Variants in CNBD1 observed in about 807,000 individuals in gnomAD.
The protein encoded by CNBD1 is cyclic nucleotide binding domain containing 1.
A neutral mutation model predicts 54.4 loss-of-function variants in CNBD1; 71 were observed. The observed-to-expected ratio is 1.30, with a 90% CI of 1.08 to 1.59. CNBD1 has a LOEUF of 1.59. CNBD1 is among the 40% of genes most tolerant of loss of function. CNBD1 has a pLI of 0.00. For synonymous variants in CNBD1, 182 were observed against 170.7 expected (o/e 1.07, Z -0.51); for missense variants, 659 against 518.0 (o/e 1.27, Z -2.64).
chr8:87,158,301 G>A (rs1221148786), intron 4 of CNBD1, among the ~76,000 whole-genome samples: 2 of 152,140 alleles, frequency 1.3e-5, no homozygotes, highest in African/African-American at 4.8e-5. Context: ...GTAAGTTCAT[G>A]AGAAGATTAA....
At chr8:87,349,674 C>A (rs538039287) in intron 8 of CNBD1, among the ~76,000 whole-genome samples, 1 of 152,310 alleles carries the variant, frequency 6.6e-6, no homozygotes, top group Non-Finnish European at 1.5e-5. Context: ...CGCGCCTGAC[C>A]AGAATATATG....
intron 8 of CNBD1, among the ~76,000 whole-genome samples, chr8:87,338,480 T>TG (rs111415503): frequency 0.017 from 2,585 of 152,068 alleles, 73 homozygotes; most frequent in African/African-American, 0.057. Flanking sequence ...TTGTTGTTGT[T>TG]TTGTTTTGTT....
At chr8:87,126,532 A>G (rs1486757747) in intron 4 of CNBD1, among the ~76,000 whole-genome samples, 2 of 151,998 alleles carry the variant, frequency 1.3e-5, no homozygotes, top group African/African-American at 4.8e-5. Context: ...AAATTTTTAT[A>G]TATTATGGCT....
At chr8:87,327,013 C>T (rs963558662) in intron 8 of CNBD1, among the ~76,000 whole-genome samples, 1 of 149,406 alleles carries the variant, frequency 6.7e-6, no homozygotes, top group Non-Finnish European at 1.5e-5. Context: ...TGTTAGTTTT[C>T]CTTCTAACAG....
intron 4 of CNBD1, among the ~76,000 whole-genome samples, chr8:86,999,837 G>A (rs372830101): frequency 4.9e-4 from 74 of 152,306 alleles, no homozygotes; most frequent in African/African-American, 1.7e-3. Context: ...AAGCATCAGT[G>A]TTATTCCTTT....
intron 10 of CNBD1, among the ~76,000 whole-genome samples, chr8:87,381,320 C>A (rs1811068047): frequency 6.6e-6 from 1 of 151,908 alleles, no homozygotes; most frequent in Admixed American, 6.6e-5. Flanking sequence ...GCAAACAAAA[C>A]CACAGTGAAA....
At chr8:87,165,278 G>A (rs1353574725) in intron 4 of CNBD1, among the ~76,000 whole-genome samples, 5 of 151,838 alleles carry the variant, frequency 3.3e-5, no homozygotes, top group Non-Finnish European at 7.4e-5. Flanking sequence ...ACTCCATTTG[G>A]TCTGTAATGT....
At chr8:87,382,055 C>T (rs1049669892) in intron 10 of CNBD1, among the ~76,000 whole-genome samples, 48 of 151,536 alleles carry the variant, frequency 3.2e-4, no homozygotes, top group African/African-American at 1.1e-3. Context: ...AGTGACTCAA[C>T]CACAGAGAGC....
chr8:87,173,220 T>C (rs1341273765), intron 4 of CNBD1, among the ~76,000 whole-genome samples: 1 of 152,214 alleles, frequency 6.6e-6, no homozygotes, highest in East Asian at 1.9e-4. Flanking sequence ...GTTATTTCTA[T>C]TTATATCTCA....
rs545777484 is a variant in CNBD1, at chr8:86,977,958, G to GT, written c.431+38204_431+38205insT. On this transcript the variant is annotated intron_variant, in intron 4 of 10. Coordinates refer to ENST00000518476, the MANE Select transcript of CNBD1 (RefSeq NM_173538.3). ...AAGGAAGCTACAGGCAAATATCCCT[G>GT]ATGAACATAGGTGCAAAAATACTCA... Among the ~76,000 whole-genome samples, 22 of 152,216 alleles carry GT rather than the reference G, an allele frequency of 1.4e-4. 1 individual carries two copies. In the South Asian group the frequency reaches 4.3e-3, roughly 30 times the overall value.
intron 2 of CNBD1, among the ~76,000 whole-genome samples, chr8:87,417,608 A>G (rs1218625513): frequency 6.6e-6 from 1 of 151,896 alleles, no homozygotes; most frequent in African/African-American, 2.4e-5. Flanking sequence ...TACAAAATTT[A>G]CATACACACA....
At chr8:87,092,427 A>ATGTGTGTG (rs1563465479) in intron 4 of CNBD1, among the ~76,000 whole-genome samples, 150 of 140,138 alleles carry the variant, frequency 1.1e-3, no homozygotes, top group African/African-American at 3.5e-3. Flanking sequence ...GTATGTATGT[A>ATGTGTGTG]TGTATGTGTG....
Position 87,134,343 on chromosome 8 carries a change from A to AT in CNBD1, c.432-71650_432-71649insT, listed in dbSNP as rs556652166. Among the ~76,000 whole-genome samples the AT allele has an allele frequency of 1.2e-4, 19 of 152,220 alleles. No homozygotes were observed. In the South Asian group the frequency reaches 3.5e-3, roughly 28 times the overall value. On this transcript the variant is annotated intron_variant, in intron 4 of 10. Transcript: ENST00000518476. ...GTACAGATTGATGTTTTAGGAAAAA[A>AT]ACTTCCAGTTTCGTAAAATGTCGTT... is the stretch of plus-strand genomic sequence containing the variant.
At chr8:87,123,057 T>C (rs1811921030) in intron 4 of CNBD1, among the ~76,000 whole-genome samples, 1 of 151,860 alleles carries the variant, frequency 6.6e-6, no homozygotes, top group Admixed American at 6.6e-5. Context: ...AACTTTAGGA[T>C]TGTATTTTCT....
intron 4 of CNBD1, among the ~76,000 whole-genome samples, chr8:86,943,936 G>C (rs1163877313): frequency 1.3e-5 from 2 of 152,046 alleles, no homozygotes; most frequent in African/African-American, 4.8e-5. Flanking sequence ...TACAACACTG[G>C]AATCAATCAG....
At chr8:86,953,773 G>A (rs58424939) in intron 4 of CNBD1, among the ~76,000 whole-genome samples, 2,823 of 152,028 alleles carry the variant, frequency 0.019, 81 homozygotes, top group African/African-American at 0.062. Flanking sequence ...AGGCTGAGGC[G>A]GAAAAATCAC....
intron 6 of CNBD1, among the ~76,000 whole-genome samples, chr8:87,266,761 C>T (rs765722916): frequency 6.6e-6 from 1 of 151,914 alleles, no homozygotes; most frequent in South Asian, 2.1e-4. Flanking sequence ...CACAAAAGAA[C>T]TCGATGTAGA....
intron 6 of CNBD1, among the ~76,000 whole-genome samples, chr8:87,250,198 T>C (rs529827370): frequency 6.6e-6 from 1 of 152,300 alleles, no homozygotes; most frequent in South Asian, 2.1e-4. Flanking sequence ...CAAGGCATAC[T>C]AATGGCCAAC....
At chr8:86,892,136 T>G (rs578041185) in intron 2 of CNBD1, among the ~76,000 whole-genome samples, 1 of 152,166 alleles carries the variant, frequency 6.6e-6, no homozygotes, top group African/African-American at 2.4e-5. Flanking sequence ...GTCTTGTTCT[T>G]GATCTTAGAT....
Sources: gnomAD v4.1 joint callset for allele counts (sites outside exome capture counted in the v4.1 genomes callset) on GRCh38, gnomAD v4.1.1 for gene constraint, MANE v1.5 for transcripts, NCBI Gene and HGNC (gene_info 2026-07-23, HGNC 2026-07-21) for gene names.